The following SPADH variants were observed in gnomAD, a reference collection of about 807,000 sequenced individuals.
SPADH encodes CUB domain-containing protein.
At chr10:122,676,985 C>A in the SPADH span, 1 of 835,818 alleles carries the variant, frequency 1.2e-6, no homozygotes, top group Non-Finnish European at 1.4e-6. Context: ...CCACCCTATC[C>A]ATGACAGCCA....
the SPADH span, among the ~76,000 whole-genome samples, chr10:122,673,560 G>A: frequency 6.6e-6 from 1 of 152,188 alleles, no homozygotes; most frequent in African/African-American, 2.4e-5. Flanking sequence ...ATGAGGACTG[G>A]CCAACTGATT....
chr10:122,673,284 T>C, the SPADH span, among the ~76,000 whole-genome samples: 1 of 152,298 alleles, frequency 6.6e-6, no homozygotes, highest in Admixed American at 6.5e-5. Flanking sequence ...TTCGAGGCTT[T>C]CCAGGTGGTC....
the SPADH span, chr10:122,676,625 A>G: frequency 6.4e-4 from 424 of 666,160 alleles, 1 homozygote; most frequent in Non-Finnish European, 6.7e-4. Context: ...CTGGGCCATT[A>G]AGGTTGAATT....
the SPADH span, among the ~76,000 whole-genome samples, chr10:122,678,349 G>C: frequency 6.6e-6 from 1 of 152,178 alleles, no homozygotes; most frequent in Admixed American, 6.5e-5. Flanking sequence ...TTATGCTAGT[G>C]GGGGGTCATG....
the SPADH span, among the ~76,000 whole-genome samples, chr10:122,675,084 A>G: frequency 6.6e-6 from 1 of 152,252 alleles, no homozygotes; most frequent in Admixed American, 6.5e-5. Flanking sequence ...ATAAATAAAC[A>G]TGGCTCACTT....
the SPADH span, among the ~76,000 whole-genome samples, chr10:122,675,140 A>G: frequency 6.6e-6 from 1 of 152,338 alleles, no homozygotes; most frequent in East Asian, 1.9e-4. Flanking sequence ...TCAAATTCAA[A>G]TTAATCACTG....
the SPADH span, among the ~76,000 whole-genome samples, chr10:122,674,804 A>G: frequency 1.3e-5 from 2 of 152,238 alleles, no homozygotes; most frequent in African/African-American, 2.4e-5. Context: ...ACCCAGCTTC[A>G]TCCTGTAAGG....
chr10:122,679,102 C>T, the SPADH span: 27 of 767,522 alleles, frequency 3.5e-5, no homozygotes, highest in Non-Finnish European at 4.0e-5. Flanking sequence ...CTGCCTGAGC[C>T]TGGTTCTGCA....
the SPADH span, among the ~76,000 whole-genome samples, chr10:122,678,149 A>G: frequency 2.0e-5 from 3 of 152,150 alleles, no homozygotes; most frequent in African/African-American, 4.8e-5. Context: ...GAGAGGCTCC[A>G]GCCCCTCCTT....
the SPADH span, among the ~76,000 whole-genome samples, chr10:122,677,465 G>T: frequency 6.6e-6 from 1 of 152,192 alleles, no homozygotes; most frequent in Admixed American, 6.5e-5. Flanking sequence ...CTATGACTTT[G>T]TTTGTGTCTA....
At chr10:122,674,215 G>A in the SPADH span, among the ~76,000 whole-genome samples, 1 of 152,192 alleles carries the variant, frequency 6.6e-6, no homozygotes, top group Non-Finnish European at 1.5e-5. Context: ...GTAGAATCGG[G>A]GTGCCTCGAC....
the SPADH span, among the ~76,000 whole-genome samples, chr10:122,674,943 G>C: frequency 6.6e-6 from 1 of 152,194 alleles, no homozygotes; most frequent in Non-Finnish European, 1.5e-5. Context: ...TTCTGAACCC[G>C]TGGGCCTGCC....
chr10:122,674,955 G>A, the SPADH span, among the ~76,000 whole-genome samples: 9 of 152,298 alleles, frequency 5.9e-5, no homozygotes, highest in East Asian at 9.7e-4. Flanking sequence ...GGGCCTGCCC[G>A]CTAGATCATA....
chr10:122,675,124 T>A, the SPADH span, among the ~76,000 whole-genome samples: 2 of 152,208 alleles, frequency 1.3e-5, no homozygotes, highest in East Asian at 1.9e-4. Flanking sequence ...AGTCAACAGA[T>A]TTATTTCAAA....
the SPADH span, among the ~76,000 whole-genome samples, chr10:122,673,589 G>A: frequency 6.6e-6 from 1 of 152,188 alleles, no homozygotes; most frequent in Non-Finnish European, 1.5e-5. Flanking sequence ...AGGCAGGAAA[G>A]GAAGAGGGTA....
the SPADH span, among the ~76,000 whole-genome samples, chr10:122,675,411 G>T: frequency 4.6e-5 from 7 of 152,132 alleles, no homozygotes; most frequent in Admixed American, 3.3e-4. Flanking sequence ...TGTGAGTGCT[G>T]AGAGCCGATG....
the SPADH span, chr10:122,672,889 T>C: frequency 3.0e-6 from 3 of 985,486 alleles, no homozygotes; most frequent in Non-Finnish European, 2.4e-6. Context: ...AGGATGAGGC[T>C]GTCCAGAGCC....
chr10:122,676,658 G>A, the SPADH span: 2 of 903,178 alleles, frequency 2.2e-6, no homozygotes, highest in Non-Finnish European at 1.3e-6. Flanking sequence ...ATGGGAAGTT[G>A]GGAGAATCAG....
the SPADH span, among the ~76,000 whole-genome samples, chr10:122,675,459 T>C: frequency 6.6e-6 from 1 of 152,158 alleles, no homozygotes; most frequent in Non-Finnish European, 1.5e-5. Context: ...CCCAGGGCTG[T>C]TCCCATAAAT....
Sources: allele counts gnomAD v4.1 joint callset (sites outside exome capture counted in the v4.1 genomes callset), GRCh38; gene constraint gnomAD v4.1.1; transcripts MANE v1.5; gene names NCBI Gene and HGNC (gene_info 2026-07-23, HGNC 2026-07-21).